ICE2: variants seen among roughly 807,000 people sequenced by gnomAD.
The protein encoded by ICE2 is little elongation complex subunit 2.
Under a neutral mutation model 105.4 loss-of-function variants are expected in ICE2, and 87 were observed. The observed-to-expected ratio is 0.83, with a 90% CI of 0.69 to 0.99. The LOEUF is 0.99. ICE2 is among the 50% of genes least tolerant of loss of function. The pLI is 0.00. For missense variants in ICE2, 1,323 were observed against 1,146.7 expected, an observed-to-expected ratio of 1.15 and a Z score of -2.22; for synonymous variants, 399 against 392.0, an observed-to-expected ratio of 1.02 and a Z score of -0.21.
At chr15:60,440,640 C>CA (rs2063698812) in intron 12 of ICE2, 1 of 152,152 alleles carries the variant, frequency 6.6e-6, no homozygotes, top group Non-Finnish European at 1.5e-5. Flanking sequence ...CCTAGTGAAT[C>CA]AGACACTCCA....
chr15:60,441,245 G>T (rs1449387156), intron 12 of ICE2: 1 of 152,168 alleles, frequency 6.6e-6, no homozygotes, highest in Non-Finnish European at 1.5e-5. Context: ...GAAGGAGGAG[G>T]AGGCAGGCAG....
At chr15:60,449,896 T>C in intron 9 of ICE2, 55 bp from the exon 10 acceptor site, 2 of 1,232,464 alleles carry the variant, frequency 1.6e-6, no homozygotes, top group Non-Finnish European at 2.3e-6. Flanking sequence ...ACCCTACCTA[T>C]CTCTTAATGT....
At chr15:60,443,826 G>A (rs957860358) in intron 11 of ICE2, among the ~76,000 whole-genome samples, 3 of 152,172 alleles carry the variant, frequency 2.0e-5, no homozygotes, top group African/African-American at 7.2e-5. Context: ...GGGTGCAGTG[G>A]CTCATGCCTA....
intron 3 of ICE2, among the ~76,000 whole-genome samples, chr15:60,469,293 G>C (rs371727990): frequency 6.6e-6 from 1 of 152,104 alleles, no homozygotes; most frequent in Non-Finnish European, 1.5e-5. Flanking sequence ...GGCGTGTTGC[G>C]GGGTGGGGTT....
At position 60,419,933 on chromosome 15, in the gene ICE2, T is replaced by C. The variant is rs1039664137; in HGVS notation, c.*3701A>G. 5 of 152,226 alleles carry C rather than the reference T, an allele frequency of 3.3e-5. No homozygotes were observed. The highest frequency in any genetic ancestry group is 1.2e-4 in the African/African-American group (5 of 41,456). 9.4% of individuals were successfully genotyped at this position (152,226 alleles called of 1,614,324 possible). ...AAACTTCTCCCTTCAAGGGTGGAGC[T>C]TAAGTGTGGGCTTAGCGACTTACTA... On this transcript the variant is annotated 3_prime_UTR_variant, in exon 16 of 16. Coordinates refer to ENST00000261520, the MANE Select transcript of ICE2 (RefSeq NM_024611.6).
chr15:60,428,332 A>G, intron 15 of ICE2, 97 bp downstream of exon 15: 1 of 1,288,282 alleles, frequency 7.8e-7, no homozygotes, highest in South Asian at 1.4e-5. Context: ...TGTGATTAAT[A>G]TGACAATGAG....
intron 12 of ICE2, 88 bp from the exon 13 acceptor site, chr15:60,436,315 T>C (rs1566974506): frequency 1.3e-5 from 6 of 464,276 alleles, no homozygotes; most frequent in Non-Finnish European, 3.8e-6. Flanking sequence ...CCTTAAAGAT[T>C]ACAAATTTTA....
rs1305507146 is a variant in ICE2 at position 60,420,377 on chromosome 15, T to A, written c.*3257A>T. The A allele has an allele frequency of 6.6e-6, 1 of 152,156 alleles. No homozygotes were observed. The highest frequency in any genetic ancestry group is 1.5e-5 in the Non-Finnish European group (1 of 68,044). The allele number at this position is 152,156 out of a possible 1,614,324, so 9.4% of individuals were successfully genotyped here. Reference sequence around the variant, plus strand: ...CTGCTTTAATTCTGGGCCATTGCCATTTTTCAGTTACTACAACACAGGCTC... The same window carrying A: ...CTGCTTTAATTCTGGGCCATTGCCAATTTTCAGTTACTACAACACAGGCTC... On this transcript the variant is annotated 3_prime_UTR_variant, in exon 16 of 16. Coordinates refer to ENST00000261520, the MANE Select transcript of ICE2 (RefSeq NM_024611.6).
intron 15 of ICE2, among the ~76,000 whole-genome samples, chr15:60,427,774 G>A (rs1253069595): frequency 2.0e-5 from 3 of 152,148 alleles, no homozygotes; most frequent in Admixed American, 6.5e-5. Flanking sequence ...ACAATATACA[G>A]AATGAGTGAC....
chr15:60,428,936 C>G (rs887811389), intron 14 of ICE2, among the ~76,000 whole-genome samples: 4 of 152,100 alleles, frequency 2.6e-5, no homozygotes, highest in Admixed American at 2.0e-4. Context: ...TATAGCAATT[C>G]GTAAGTTTTC....
chr15:60,428,646 T>A lies in ICE2; in HGVS notation c.2603A>T (p.Asp868Val), dbSNP rs765175715. 1 of 1,614,090 alleles carries A rather than the reference T, an allele frequency of 6.2e-7. No homozygotes were observed. Among genetic ancestry groups the A allele is most frequent in the African/African-American group, 1.3e-5 (1 of 75,018 alleles). Residue 868 changes from aspartate (D) to valine (V), a missense_variant, in exon 15 of 16, where the codon GAT (aspartate) becomes GTT (valine). Coordinates refer to ENST00000261520, the MANE Select transcript of ICE2 (RefSeq NM_024611.6). Reference protein sequence around the residue: ...GSYLLSHAAEDSSLLIYKASD... With the variant: ...GSYLLSHAAEVSSLLIYKASD... ...GGCCTTATAAATCAGGAGTGAAGAA[T>A]CTTCTGCTGCATGAGATAACAAGTA...
At chr15:60,430,053 G>A (rs1197911591) in intron 14 of ICE2, among the ~76,000 whole-genome samples, 1 of 152,146 alleles carries the variant, frequency 6.6e-6, no homozygotes, top group African/African-American at 2.4e-5. Flanking sequence ...TCCAAACCTG[G>A]AACCTATGAA....
In ICE2 at chr15:60,422,030, A is replaced by G. The variant is rs1029639202; in HGVS notation, c.*1604T>C. On this transcript the variant is annotated 3_prime_UTR_variant, in exon 16 of 16. Transcript: ENST00000261520. ...TACACAGAATAGCTAAAAAATTTCA[A>G]TGTGAAGCAATTATCTAGGATTACA... 12 of 152,160 alleles carry G rather than the reference A, an allele frequency of 7.9e-5. No individual in the cohort carries two copies. The highest frequency in any genetic ancestry group is 2.7e-4 in the African/African-American group (11 of 41,428). 9.4% of individuals were successfully genotyped at this position (152,160 alleles called of 1,614,324 possible). A position where few individuals can be genotyped will look rare whatever the true frequency, so the allele number is the denominator to read the frequency against.
chr15:60,432,596 TA>T (rs1270114775), intron 13 of ICE2, among the ~76,000 whole-genome samples: 4 of 146,248 alleles, frequency 2.7e-5, no homozygotes, highest in African/African-American at 5.0e-5. Context: ...ATTATATACT[TA>T]AAAAAAAAAC....
intron 15 of ICE2, among the ~76,000 whole-genome samples, chr15:60,425,321 T>C (rs191442372): frequency 3.7e-4 from 56 of 152,328 alleles, no homozygotes; most frequent in African/African-American, 1.3e-3. Context: ...CTCACTCAGC[T>C]GGTATTTCCT....
Position 60,442,507 on chromosome 15 carries a change from T to A in ICE2, c.2334A>T (p.Gln778His). 6.3e-7 allele frequency: 1 copy of A among 1,589,854 alleles called. No individual in the cohort carries two copies. The highest frequency in any genetic ancestry group is 1.2e-5 in the South Asian group (1 of 85,150). ...PVYVLPKVEYQACYGVEALTE... is the reference protein window; with the variant it reads ...PVYVLPKVEYHACYGVEALTE... ...TCAGAGCTTCAACTCCATAACAAGC[T>A]TGATACTCTACTTTTGGTAGTACAT... The change falls in exon 12 of 16, where the codon CAA becomes CAT. Residue 778 changes from glutamine (Q) to histidine (H), a missense_variant. Coordinates refer to ENST00000261520, the MANE Select transcript of ICE2 (RefSeq NM_024611.6).
intron 3 of ICE2, among the ~76,000 whole-genome samples, 165 bp downstream of exon 3, chr15:60,475,898 G>A (rs991391629): frequency 2.0e-5 from 3 of 152,014 alleles, no homozygotes; most frequent in African/African-American, 7.2e-5. Context: ...TTCATGTGTG[G>A]AGAAAGGAAT....
intron 12 of ICE2, among the ~76,000 whole-genome samples, chr15:60,436,837 C>T (rs1566975062): frequency 6.6e-6 from 1 of 150,562 alleles, no homozygotes; most frequent in Non-Finnish European, 1.5e-5. Context: ...TACATATTAA[C>T]ATAATTTGAA....
chr15:60,439,354 C>T (rs1297029909), intron 12 of ICE2: 1 of 152,210 alleles, frequency 6.6e-6, no homozygotes, highest in Admixed American at 6.5e-5. Flanking sequence ...CACAATTTGT[C>T]ATAGGAAGGA....
Sources: allele counts gnomAD v4.1 joint callset (sites outside exome capture counted in the v4.1 genomes callset), GRCh38; gene constraint gnomAD v4.1.1; transcripts MANE v1.5; gene names NCBI Gene and HGNC (gene_info 2026-07-23, HGNC 2026-07-21).